Variants in VWA8 observed in about 807,000 individuals in gnomAD.
VWA8 encodes von Willebrand factor A domain-containing protein 8.
Under a neutral mutation model 241.5 loss-of-function variants are expected in VWA8, and 221 were observed. That is an observed-to-expected ratio of 0.91 (90% CI 0.82 to 1.02). VWA8 has a LOEUF of 1.02. Among genes scored for constraint, VWA8 ranks in the 50% least tolerant of loss-of-function variants. The pLI is 0.00. For missense variants in VWA8, 2,322 were observed against 2,328.7 expected (o/e 1.00, Z 0.06); for synonymous variants, 852 against 827.1 (o/e 1.03, Z -0.52).
intron 4 of VWA8, among the ~76,000 whole-genome samples, chr13:41,905,628 TCCTTA>T (rs1875673113): frequency 6.6e-6 from 1 of 152,064 alleles, no homozygotes; most frequent in Admixed American, 6.6e-5. Context: ...CTGGAACCAT[TCCTTA>T]CCTGTTTTGA....
rs148993083 is a variant in VWA8, at chr13:41,601,253, A to C, written c.4986+3915T>G. Among the ~76,000 whole-genome samples the C allele has an allele frequency of 3.6e-3, 542 of 152,196 alleles. 4 individuals carry two copies. The highest frequency in any genetic ancestry group is 6.8e-3 in the Middle Eastern group (2 of 294). On this transcript the variant is annotated intron_variant, in intron 40 of 44. Transcript: ENST00000379310. ...TACTTACCATATTAAATGGAATGAG[A>C]TCTTTAGGTGTCTGCCTTCTCTGCC...
At chr13:41,784,954 A>G (rs1869118850) in intron 18 of VWA8, among the ~76,000 whole-genome samples, 1 of 151,318 alleles carries the variant, frequency 6.6e-6, no homozygotes, top group Non-Finnish European at 1.5e-5. Flanking sequence ...AAATAGGTTG[A>G]CCTAGAATAC....
chr13:41,861,111 T>A (rs1268345606), intron 12 of VWA8, among the ~76,000 whole-genome samples: 1 of 152,120 alleles, frequency 6.6e-6, no homozygotes, highest in African/African-American at 2.4e-5. Flanking sequence ...CTCAGGAGGC[T>A]GAGGCAGGAG....
In VWA8 at chr13:41,808,827, C is replaced by G. The variant is rs148275178; in HGVS notation, c.2063+2398G>C. The stretch of plus-strand genomic sequence containing the variant: ...GAAAAAATTACATTATCCTTGTTTG[C>G]AGATGATATGAGCTTATACTTGAAA... On this transcript the variant is annotated intron_variant, in intron 17 of 44. Coordinates refer to ENST00000379310, the MANE Select transcript of VWA8 (RefSeq NM_015058.2). Among the ~76,000 whole-genome samples the G allele has an allele frequency of 1.1e-3, 167 of 151,086 alleles. 3 individuals carry two copies. The highest frequency in any genetic ancestry group is 3.1e-4 in the Non-Finnish European group (21 of 67,702).
chr13:41,613,690 C>T (rs1477095546), intron 38 of VWA8, among the ~76,000 whole-genome samples: 2 of 152,142 alleles, frequency 1.3e-5, no homozygotes, highest in African/African-American at 2.4e-5. Flanking sequence ...AATGAAAGTG[C>T]TTACCAGAGG....
intron 26 of VWA8, among the ~76,000 whole-genome samples, chr13:41,710,388 A>G (rs1035343157): frequency 6.6e-6 from 1 of 152,226 alleles, no homozygotes; most frequent in Admixed American, 6.5e-5. Context: ...GAAGATTCAT[A>G]GATCTTGAAA....
intron 36 of VWA8, among the ~76,000 whole-genome samples, chr13:41,671,943 A>C (rs949809077): frequency 1.7e-4 from 26 of 152,320 alleles, no homozygotes; most frequent in African/African-American, 5.8e-4. Context: ...AGCACATTAA[A>C]AGACAAGATA....
At position 41,901,335 on chromosome 13, in the gene VWA8, T is replaced by C. The variant is rs188943254; in HGVS notation, c.483+6251A>G. Among the ~76,000 whole-genome samples, 3 of 152,196 alleles carry C rather than the reference T, an allele frequency of 2.0e-5. No individual in the cohort carries two copies. In the East Asian group the frequency reaches 5.8e-4, roughly 29 times the overall value. ...GGTAAAAGAACTTGAGCTTTGTAAT[T>C]GGACAGAGCCTGGTTCAAATTTTAC... On this transcript the variant is annotated intron_variant, in intron 4 of 44. Coordinates refer to ENST00000379310, the MANE Select transcript of VWA8 (RefSeq NM_015058.2).
At chr13:41,814,173 C>A (rs1415158443) in intron 16 of VWA8, among the ~76,000 whole-genome samples, 3 of 152,082 alleles carry the variant, frequency 2.0e-5, no homozygotes, top group African/African-American at 7.2e-5. Context: ...ATTTAAGTGT[C>A]TATTATGTGC....
intron 2 of VWA8, among the ~76,000 whole-genome samples, chr13:41,946,798 T>C (rs1241652065): frequency 6.6e-6 from 1 of 152,204 alleles, no homozygotes; most frequent in Non-Finnish European, 1.5e-5. Flanking sequence ...AAGATTCTCT[T>C]CTTGCCCAAA....
intron 17 of VWA8, among the ~76,000 whole-genome samples, chr13:41,793,628 A>G (rs570779861): frequency 1.3e-5 from 2 of 152,270 alleles, no homozygotes; most frequent in African/African-American, 4.8e-5. Flanking sequence ...CCTGGCCAAC[A>G]TGGTGAAACC....
At chr13:41,888,342 C>G (rs1024084120) in intron 5 of VWA8, among the ~76,000 whole-genome samples, 4 of 152,194 alleles carry the variant, frequency 2.6e-5, no homozygotes, top group African/African-American at 9.7e-5. Flanking sequence ...CTTCACAGCC[C>G]AAATGACAAT....
intron 9 of VWA8, among the ~76,000 whole-genome samples, chr13:41,868,701 C>T (rs767153053): frequency 1.6e-4 from 24 of 151,758 alleles, no homozygotes; most frequent in East Asian, 1.9e-4. Context: ...CTGGCTAACA[C>T]GGTGAAACCC....
chr13:41,898,747 C>T (rs563429612), intron 4 of VWA8, among the ~76,000 whole-genome samples: 1 of 152,182 alleles, frequency 6.6e-6, no homozygotes, highest in Non-Finnish European at 1.5e-5. Context: ...TAAGGCCCGG[C>T]GAGAAATCGA....
In VWA8 at chr13:41,619,056, G is replaced by A. The variant is rs113693490; in HGVS notation, c.4612-3972C>T. On this transcript the variant is annotated intron_variant, in intron 37 of 44. Coordinates refer to ENST00000379310, the MANE Select transcript of VWA8 (RefSeq NM_015058.2). ...GGGGATGGCATTGAATCTGTAAATT[G>A]CCTTGGGCAGTATGGCCATTTTCAC... 3.2e-3 allele frequency among the ~76,000 whole-genome samples: 488 copies of A among 152,130 alleles called. 2 individuals carry two copies. The highest frequency in any genetic ancestry group is 0.011 in the African/African-American group (445 of 41,512).
rs546197854 is a variant in VWA8 at position 41,740,424 on chromosome 13, C to T, written c.2427-8269G>A. 3.3e-5 allele frequency among the ~76,000 whole-genome samples: 5 copies of T among 152,322 alleles called. No individual in the cohort carries two copies. The South Asian group carries it at 1.0e-3, about 32-fold the overall frequency. On this transcript the variant is annotated intron_variant, in intron 21 of 44. Transcript: ENST00000379310. Reference sequence around the variant, plus strand: ...TCATTAGGAAAATAGCAGCAAGGAGCTGTTGTCCTGAGCCAACACTTTCAG... The same window carrying T: ...TCATTAGGAAAATAGCAGCAAGGAGTTGTTGTCCTGAGCCAACACTTTCAG...
rs1349223120 is a variant in VWA8 at position 41,568,139 on chromosome 13, C to G, written c.*58G>C. ...TCCATATCTTCTTTTTTTCAGAATA[C>G]TCTTTATTCCTGTCTTATTTCAAAT... On this transcript the variant is annotated 3_prime_UTR_variant, in exon 45 of 45. Transcript: ENST00000379310. The G allele has an allele frequency of 1.2e-5, 17 of 1,419,992 alleles. 1 individual carries two copies. In the Admixed American group the frequency reaches 1.2e-4, roughly 10 times the overall value. The allele number at this position is 1,419,992 out of a possible 1,614,324, so 88.0% of individuals were successfully genotyped here. A position where few individuals can be genotyped will look rare whatever the true frequency, so the allele number is the denominator to read the frequency against.
chr13:41,925,946 TG>T, intron 2 of VWA8: 2 of 377,144 alleles, frequency 5.3e-6, no homozygotes. Flanking sequence ...ACCAGCAGCC[TG>T]GGGGTCACCT....
At chr13:41,614,261 G>A (rs1013232187) in intron 38 of VWA8, among the ~76,000 whole-genome samples, 1 of 152,216 alleles carries the variant, frequency 6.6e-6, no homozygotes, top group Non-Finnish European at 1.5e-5. Flanking sequence ...TCCTAAGGAA[G>A]GTGAAGTACA....
Sources: gnomAD v4.1 joint callset for allele counts (sites outside exome capture counted in the v4.1 genomes callset) on GRCh38, gnomAD v4.1.1 for gene constraint, MANE v1.5 for transcripts, NCBI Gene and HGNC (gene_info 2026-07-23, HGNC 2026-07-21) for gene names.